SMARCA4: variants seen among roughly 807,000 people sequenced by gnomAD.
The protein encoded by SMARCA4 is SWI/SNF related BAF chromatin remodeling complex subunit ATPase 4, also known as SWI/SNF-related matrix-associated actin-dependent regulator of chromatin subfamily A member 4.
In SMARCA4, 31 loss-of-function variants were observed where a neutral mutation model predicts 193.9. The observed-to-expected ratio is 0.16, with a 90% CI of 0.12 to 0.22. The LOEUF (loss-of-function observed/expected upper bound fraction) is 0.22, where lower values mean the gene tolerates loss of function less well. Among genes scored for constraint, SMARCA4 ranks in the 10% least tolerant of loss-of-function variants. The pLI, the probability that SMARCA4 is intolerant of heterozygous loss-of-function variation, is 1.00. For synonymous variants in SMARCA4, 942 were observed against 933.1 expected (o/e 1.01, Z -0.17); for missense variants, 1,148 against 2,296.0 (o/e 0.50, Z 10.22).
intron 1 of SMARCA4, among the ~76,000 whole-genome samples, chr19:10,974,624 G>T (rs1446894980): frequency 7.9e-6 from 1 of 125,832 alleles, no homozygotes; most frequent in Non-Finnish European, 1.6e-5. Context: ...AGCGGTTTGT[G>T]CATGTTTTCT....
chr19:10,980,271 C>G (rs1046226237), intron 1 of SMARCA4, among the ~76,000 whole-genome samples: 1 of 152,130 alleles, frequency 6.6e-6, no homozygotes, highest in African/African-American at 2.4e-5. Context: ...GGAGGAGAGG[C>G]CATTCTAACA....
At position 11,030,035 on chromosome 19, in the gene SMARCA4, C is replaced by A. The variant is rs2074812148; in HGVS notation, c.3383-695C>A. 6.6e-6 allele frequency among the ~76,000 whole-genome samples: 1 copy of A among 152,182 alleles called. No homozygotes were observed. The highest frequency in any genetic ancestry group is 6.5e-5 in the Admixed American group (1 of 15,284). Reference sequence around the variant, plus strand: ...GTGTTCAGGGGCACCTCTGTCCGAACTCCCAGCAGCGCAGGGAGTGTTGAC... The same window carrying A: ...GTGTTCAGGGGCACCTCTGTCCGAAATCCCAGCAGCGCAGGGAGTGTTGAC... On this transcript the variant is annotated intron_variant, in intron 24 of 34. Coordinates refer to ENST00000344626, the MANE Select transcript of SMARCA4 (RefSeq NM_003072.5). The surrounding 1 kb of genome is among the most constrained non-coding windows in gnomAD (Gnocchi z 5.5).
Position 10,985,198 on chromosome 19 carries a change from C to T in SMARCA4, c.223-75C>T, listed in dbSNP as rs2145744438. On this transcript the variant is annotated intron_variant, in intron 2 of 34. Coordinates refer to ENST00000344626, the MANE Select transcript of SMARCA4 (RefSeq NM_003072.5). This position sits in a 1 kb window ranked among gnomAD's most constrained non-coding sequence, Gnocchi z 4.5. ...CTGTTCTCGGTGCCCTCGAGCTTCT[C>T]TCGGGCAGCGCATAGCTGCGCTGCC... 1 of 1,539,222 alleles carries T rather than the reference C, an allele frequency of 6.5e-7. No individual in the cohort carries two copies. The highest frequency in any genetic ancestry group is 9.0e-7 in the Non-Finnish European group (1 of 1,113,730).
chr19:11,049,670 C>T (rs1466326983), intron 30 of SMARCA4, among the ~76,000 whole-genome samples: 1 of 152,132 alleles, frequency 6.6e-6, no homozygotes, highest in East Asian at 1.9e-4. Flanking sequence ...TCAGGGGGCA[C>T]ACCCTTGGTG....
At position 11,041,458 on chromosome 19, in the gene SMARCA4, A is replaced by G. The variant is rs1555788304; in HGVS notation, c.4322A>G (p.Lys1441Arg). Residue 1441 changes from lysine to arginine, a missense_variant, in exon 30 of 35, where the codon AAG becomes AGG. Around this residue, in one of 17 missense-constraint regions of SMARCA4, gnomAD observed 141 missense variants for 193.0 expected, o/e 0.73. Coordinates refer to ENST00000344626, the MANE Select transcript of SMARCA4 (RefSeq NM_003072.5). This position sits in a 1 kb window ranked among gnomAD's most constrained non-coding sequence, Gnocchi z 5.6. Reference sequence around the variant, plus strand: ...AAGGACGACGAGAGCAAGAAGCAGAAGAAGCGCGGGCGGCCGCCTGCCGAG... The same window carrying G: ...AAGGACGACGAGAGCAAGAAGCAGAGGAAGCGCGGGCGGCCGCCTGCCGAG... ...RDKDDESKKQ[K>R]KRGRPPAEKL... The G allele has an allele frequency of 1.9e-6, 3 of 1,612,652 alleles. No homozygotes were observed. The highest frequency in any genetic ancestry group is 2.5e-6 in the Non-Finnish European group (3 of 1,179,926).
chr19:11,017,394 C>T (rs1351666189), intron 16 of SMARCA4, among the ~76,000 whole-genome samples: 1 of 152,250 alleles, frequency 6.6e-6, no homozygotes, highest in Non-Finnish European at 1.5e-5. Context: ...GAGGTGGGTG[C>T]TCCTGCAGTC....
chr19:10,965,287 G>A (rs2084127909), intron 1 of SMARCA4: 1 of 152,124 alleles, frequency 6.6e-6, no homozygotes, highest in African/African-American at 2.4e-5. Context: ...CTTGCAAAGG[G>A]GGACAGTACT....
intron 1 of SMARCA4, among the ~76,000 whole-genome samples, chr19:10,962,762 C>T (rs1346823863): frequency 1.3e-5 from 2 of 152,092 alleles, no homozygotes; most frequent in Non-Finnish European, 2.9e-5. Context: ...AGGCTGGTCT[C>T]AAACTCCTGA....
At chr19:11,010,007 G>A (rs147470349) in intron 14 of SMARCA4, among the ~76,000 whole-genome samples, 2,160 of 152,074 alleles carry the variant, frequency 0.014, 15 homozygotes, top group Middle Eastern at 0.024. Context: ...GTTTTTTGTA[G>A]TAGAGATGGG....
At chr19:11,051,072 G>A (rs2076230739) in intron 30 of SMARCA4, among the ~76,000 whole-genome samples, 2 of 152,270 alleles carry the variant, frequency 1.3e-5, no homozygotes, top group Non-Finnish European at 2.9e-5. Context: ...GTCATGGATG[G>A]AGTTGCCCAC....
At chr19:11,060,254 A>G (rs1600650742) in intron 34 of SMARCA4, 67 bp downstream of exon 34, 2 of 1,536,172 alleles carry the variant, frequency 1.3e-6, no homozygotes, top group Middle Eastern at 2.2e-4. Flanking sequence ...CCCTGATGGG[A>G]CAGCCCTGTG....
At position 11,012,987 on chromosome 19, in the gene SMARCA4, C is replaced by T; in HGVS notation, c.2313C>T (p.Asn771=). Residue 771 remains asparagine, a synonymous_variant, in exon 16 of 35, where the codon AAC becomes AAT. Transcript: ENST00000344626. Reference sequence around the variant, plus strand: ...AGTGGCTGGTGTCCCTGTACAACAACAACCTGAACGGCATCCTGGCCGACG... The same window carrying T: ...AGTGGCTGGTGTCCCTGTACAACAATAACCTGAACGGCATCCTGGCCGACG... ...GLEWLVSLYN[N]NLNGILADEM... The T allele has an allele frequency of 6.2e-7, 1 of 1,614,194 alleles. No individual in the cohort carries two copies. Among genetic ancestry groups the T allele is most frequent in the Non-Finnish European group, 8.5e-7 (1 of 1,180,034 alleles).
chr19:10,991,381 C>T, intron 8 of SMARCA4, 58 bp downstream of exon 8: 2 of 1,550,944 alleles, frequency 1.3e-6, no homozygotes, highest in East Asian at 2.4e-5. Context: ...CTGGCTTGTC[C>T]AGCGGTTGCC....
At chr19:10,989,072 A>G (rs768432544) in intron 6 of SMARCA4, among the ~76,000 whole-genome samples, 2 of 152,190 alleles carry the variant, frequency 1.3e-5, no homozygotes, top group East Asian at 3.9e-4. Flanking sequence ...CACACCACTG[A>G]AAAGGCATGA....
intron 1 of SMARCA4, among the ~76,000 whole-genome samples, chr19:10,965,083 G>A (rs2084110613): frequency 6.6e-6 from 1 of 152,198 alleles, no homozygotes; most frequent in Non-Finnish European, 1.5e-5. Context: ...CATGGTGCCT[G>A]TAGACAGAAC....
At chr19:10,979,460 A>C (rs1378472366) in intron 1 of SMARCA4, among the ~76,000 whole-genome samples, 1 of 145,738 alleles carries the variant, frequency 6.9e-6, no homozygotes, top group Non-Finnish European at 1.5e-5. Context: ...GCCCACGATC[A>C]TGGCTCACTG....
rs2085898031 is a variant in SMARCA4 at position 10,985,075 on chromosome 19, A to G, written c.223-198A>G. Among the ~76,000 whole-genome samples, 1 of 151,970 alleles carries G rather than the reference A, an allele frequency of 6.6e-6. No homozygotes were observed. Among genetic ancestry groups the G allele is most frequent in the African/African-American group, 2.4e-5 (1 of 41,356 alleles). ...ATATGCTCGTGCTCCACTGGGCGAC[A>G]TTTATTTTGTGTACCTGTCTCGAGG... On this transcript the variant is annotated intron_variant, in intron 2 of 34. Transcript: ENST00000344626. This position sits in a 1 kb window ranked among gnomAD's most constrained non-coding sequence, Gnocchi z 4.5.
At chr19:11,043,198 G>A (rs1441377438) in intron 30 of SMARCA4, among the ~76,000 whole-genome samples, 1 of 152,066 alleles carries the variant, frequency 6.6e-6, no homozygotes, top group Non-Finnish European at 1.5e-5. Flanking sequence ...GGCTGAGGTA[G>A]GAGAATCTTG....
At chr19:11,047,178 C>G (rs756653415) in intron 30 of SMARCA4, among the ~76,000 whole-genome samples, 4 of 152,058 alleles carry the variant, frequency 2.6e-5, no homozygotes, top group African/African-American at 9.7e-5. Context: ...GCGGTTGTTA[C>G]GCTTGCAGTT....
Sources: gnomAD v4.1 joint callset for allele counts (sites outside exome capture counted in the v4.1 genomes callset) on GRCh38, gnomAD v4.1.1 for gene constraint, gnomAD v4.1.1 regional missense constraint, Gnocchi (gnomAD v3.1) non-coding constraint, MANE v1.5 for transcripts, NCBI Gene and HGNC (gene_info 2026-07-23, HGNC 2026-07-21) for gene names.